FAM13A: variants seen among roughly 807,000 people sequenced by gnomAD.
FAM13A encodes protein FAM13A.
FAM13A carries 76 observed loss-of-function variants against 129.6 expected under a neutral mutation model. That is an observed-to-expected ratio of 0.59 (90% CI 0.49 to 0.71). FAM13A has a LOEUF of 0.71. Ranked by LOEUF, FAM13A falls within the 30% of genes least tolerant of loss-of-function variation. The pLI is 0.00. For synonymous variants in FAM13A, 443 were observed against 449.9 expected (o/e 0.98, Z 0.20); for missense variants, 1,108 against 1,249.3 (o/e 0.89, Z 1.70).
intron 6 of FAM13A, among the ~76,000 whole-genome samples, chr4:88,873,208 C>T (rs1197670820): frequency 6.6e-6 from 1 of 151,894 alleles, no homozygotes; most frequent in African/African-American, 2.4e-5. Flanking sequence ...AAATTGACAC[C>T]CTAACATCAC....
At position 88,923,166 on chromosome 4, in the gene FAM13A, T is replaced by C. The variant is rs546720619; in HGVS notation, c.759+14922A>G. On this transcript the variant is annotated intron_variant, in intron 5 of 23. Coordinates refer to ENST00000264344, the MANE Select transcript of FAM13A (RefSeq NM_014883.4). Reference sequence around the variant, plus strand: ...TTCCTTCTGAAACTATTCCAATCAATAGAAAAAGAGGGAATCCTCCCTAAC... The same window carrying C: ...TTCCTTCTGAAACTATTCCAATCAACAGAAAAAGAGGGAATCCTCCCTAAC... Among the ~76,000 whole-genome samples the C allele has an allele frequency of 5.8e-3, 885 of 151,996 alleles. 28 individuals carry two copies. The highest frequency in any genetic ancestry group is 0.051 in the Admixed American group (775 of 15,274).
intron 5 of FAM13A, among the ~76,000 whole-genome samples, chr4:88,933,947 C>T (rs1005877678): frequency 6.6e-6 from 1 of 152,128 alleles, no homozygotes; most frequent in African/African-American, 2.4e-5. Context: ...CCCTTGTTTC[C>T]TTTGTGGCCT....
chr4:88,940,180 G>C (rs1754521203), intron 4 of FAM13A, among the ~76,000 whole-genome samples: 1 of 152,210 alleles, frequency 6.6e-6, no homozygotes, highest in South Asian at 2.1e-4. Context: ...TGGGAACTGG[G>C]TAGTGGAAGG....
At chr4:88,924,150 T>C (rs573403890) in intron 5 of FAM13A, among the ~76,000 whole-genome samples, 2 of 152,312 alleles carry the variant, frequency 1.3e-5, no homozygotes, top group Non-Finnish European at 2.9e-5. Context: ...ATACCTTCAA[T>C]GCCATCCCCA....
rs1486117541 is a variant in FAM13A, at chr4:88,726,028, G to A, written c.*2505C>T. 1 of 152,082 alleles carries A rather than the reference G, an allele frequency of 6.6e-6. No homozygotes were observed. Among genetic ancestry groups the A allele is most frequent in the Non-Finnish European group, 1.5e-5 (1 of 68,016 alleles). 9.4% of individuals were successfully genotyped at this position (152,082 alleles called of 1,614,324 possible). A position where few individuals can be genotyped will look rare whatever the true frequency, so the allele number is the denominator to read the frequency against. ...TGAAATAACTCTTGACATTTATTTT[G>A]TTGGCATGTGCTAATTAATAAACAC... On this transcript the variant is annotated 3_prime_UTR_variant, in exon 24 of 24. Transcript: ENST00000264344.
Position 88,865,036 on chromosome 4 carries a change from G to A in FAM13A, c.844-13853C>T, listed in dbSNP as rs1020706220. 7.2e-5 allele frequency among the ~76,000 whole-genome samples: 11 copies of A among 152,054 alleles called. 2 individuals carry two copies. Among genetic ancestry groups the A allele is most frequent in the African/African-American group, 2.2e-4 (9 of 41,408 alleles). The stretch of plus-strand genomic sequence containing the variant: ...CCAAGAGGAAAAAGAAAGTATCTGC[G>A]AAAAAATGTAATTGGATTCCTTGGG... On this transcript the variant is annotated intron_variant, in intron 6 of 23. Transcript: ENST00000264344.
At chr4:88,814,485 G>A (rs767246809) in intron 7 of FAM13A, among the ~76,000 whole-genome samples, 8 of 152,194 alleles carry the variant, frequency 5.3e-5, no homozygotes, top group Non-Finnish European at 8.8e-5. Context: ...CACCAGGGGC[G>A]CAGCAGTGAC....
chr4:88,824,308 C>T (rs1373833139), intron 7 of FAM13A, among the ~76,000 whole-genome samples: 2 of 152,140 alleles, frequency 1.3e-5, no homozygotes, highest in Admixed American at 6.5e-5. Context: ...GAGGTATCCC[C>T]TTCCCCTGTA....
chr4:88,996,704 G>A (rs960246997), intron 3 of FAM13A, among the ~76,000 whole-genome samples: 4 of 152,036 alleles, frequency 2.6e-5, no homozygotes, highest in African/African-American at 9.7e-5. Flanking sequence ...TTATAAATAA[G>A]ATTGCCAGGA....
At chr4:89,003,531 TA>T (rs1764571574) in intron 3 of FAM13A, among the ~76,000 whole-genome samples, 1 of 151,916 alleles carries the variant, frequency 6.6e-6, no homozygotes, top group South Asian at 2.1e-4. Context: ...GAATCATGGT[TA>T]TAGGTGTGCG....
At position 88,901,330 on chromosome 4, in the gene FAM13A, C is replaced by G. The variant is rs187535399; in HGVS notation, c.843+5049G>C. Reference sequence around the variant, plus strand: ...TACAGAACTCTCCACCCACAAACAACTGAATATATATTCTTCTCATCACCA... The same window carrying G: ...TACAGAACTCTCCACCCACAAACAAGTGAATATATATTCTTCTCATCACCA... On this transcript the variant is annotated intron_variant, in intron 6 of 23. Coordinates refer to ENST00000264344, the MANE Select transcript of FAM13A (RefSeq NM_014883.4). Among the ~76,000 whole-genome samples, 3 of 152,252 alleles carry G rather than the reference C, an allele frequency of 2.0e-5. No individual in the cohort carries two copies. In the East Asian group the frequency reaches 5.8e-4, roughly 29 times the overall value.
chr4:88,759,451 CT>C (rs796944038), intron 13 of FAM13A: 27 of 152,936 alleles, frequency 1.8e-4, no homozygotes, highest in African/African-American at 5.8e-4. Flanking sequence ...TGTTTTCTCA[CT>C]GAGTATTGGG....
chr4:88,780,142 C>G (rs1293260800), intron 11 of FAM13A, among the ~76,000 whole-genome samples: 1 of 152,090 alleles, frequency 6.6e-6, no homozygotes, highest in African/African-American at 2.4e-5. Context: ...TTCACTCTAG[C>G]TGATCAGTTT....
intron 1 of FAM13A, among the ~76,000 whole-genome samples, chr4:89,039,388 C>T (rs1478165234): frequency 6.6e-6 from 1 of 152,132 alleles, no homozygotes; most frequent in Non-Finnish European, 1.5e-5. Flanking sequence ...CAATGCATAA[C>T]ACAAACAGGG....
chr4:89,026,311 T>C (rs1343921), intron 2 of FAM13A, among the ~76,000 whole-genome samples: 73,093 of 152,058 alleles, frequency 0.48, 18,001 homozygotes, highest in Middle Eastern at 0.57. Context: ...TGTAACACTG[T>C]TTGTATTTAA....
intron 4 of FAM13A, among the ~76,000 whole-genome samples, chr4:88,989,230 A>G (rs908788511): frequency 1.4e-4 from 19 of 139,836 alleles, no homozygotes; most frequent in Admixed American, 2.1e-4. Flanking sequence ...CAAACAAACA[A>G]AAAGCTACAT....
chr4:88,727,820 C>A lies in FAM13A; in HGVS notation c.*713G>T, dbSNP rs1736733038. ...GCATTCATACAGCTGCTTACCATCT[C>A]TCTGTCCTCTGCAGATGACCCGGTC... is the stretch of plus-strand genomic sequence containing the variant. On this transcript the variant is annotated 3_prime_UTR_variant, in exon 24 of 24. Coordinates refer to ENST00000264344, the MANE Select transcript of FAM13A (RefSeq NM_014883.4). 1.3e-5 allele frequency: 2 copies of A among 152,284 alleles called. No individual in the cohort carries two copies. Among genetic ancestry groups the A allele is most frequent in the Non-Finnish European group, 1.5e-5 (1 of 68,074 alleles). The allele number at this position is 152,284 out of a possible 1,614,324, so 9.4% of individuals were successfully genotyped here.
intron 6 of FAM13A, among the ~76,000 whole-genome samples, chr4:88,901,431 A>G (rs1486755737): frequency 6.6e-6 from 1 of 151,886 alleles, no homozygotes; most frequent in Non-Finnish European, 1.5e-5. Context: ...AAATGAAATC[A>G]TAACAGTCTT....
chr4:88,961,558 G>A (rs922888091), intron 4 of FAM13A, among the ~76,000 whole-genome samples: 8 of 151,638 alleles, frequency 5.3e-5, no homozygotes, highest in South Asian at 2.1e-4. Context: ...TAGTAGAGAC[G>A]GGTTTTTGCC....
Sources: gnomAD v4.1 joint callset for allele counts (sites outside exome capture counted in the v4.1 genomes callset) on GRCh38, gnomAD v4.1.1 for gene constraint, MANE v1.5 for transcripts, NCBI Gene and HGNC (gene_info 2026-07-23, HGNC 2026-07-21) for gene names.